Variants in TCERG1L observed in about 807,000 individuals in gnomAD.
TCERG1L encodes transcription elongation regulator 1 like, also known as transcription elongation regulator 1-like protein.
In TCERG1L, 37 loss-of-function variants were observed where a neutral mutation model predicts 56.3. The observed-to-expected ratio is 0.66, with a 90% CI of 0.51 to 0.87. TCERG1L has a LOEUF of 0.87. Among genes scored for constraint, TCERG1L ranks in the 40% least tolerant of loss-of-function variants. The pLI is 0.00. For missense variants in TCERG1L, 799 were observed against 774.2 expected (o/e 1.03, Z -0.38); for synonymous variants, 324 against 326.3 (o/e 0.99, Z 0.08).
At chr10:131,265,679 G>C (rs1220606240) in intron 3 of TCERG1L, among the ~76,000 whole-genome samples, 1 of 152,196 alleles carries the variant, frequency 6.6e-6, no homozygotes, top group African/African-American at 2.4e-5. Context: ...AGTGTAGTCT[G>C]TTAAATGTGC....
intron 4 of TCERG1L, among the ~76,000 whole-genome samples, chr10:131,220,238 A>G (rs1189369226): frequency 1.3e-5 from 2 of 152,066 alleles, no homozygotes; most frequent in African/African-American, 4.8e-5. Context: ...CTGGAAGGGG[A>G]GACCCACCCA....
At chr10:131,165,105 C>T (rs1031742547) in intron 5 of TCERG1L, among the ~76,000 whole-genome samples, 1 of 152,190 alleles carries the variant, frequency 6.6e-6, no homozygotes, top group Non-Finnish European at 1.5e-5. Flanking sequence ...TGAGATAAAG[C>T]TCAACCAAGT....
intron 3 of TCERG1L, among the ~76,000 whole-genome samples, chr10:131,288,605 A>C (rs1212216873): frequency 6.6e-6 from 1 of 152,202 alleles, no homozygotes; most frequent in Non-Finnish European, 1.5e-5. Context: ...GCCTATAAAA[A>C]TTACCTCGGA....
chr10:131,311,674 G>A lies in TCERG1L; in HGVS notation c.-39C>T, dbSNP rs944247722. The A allele has an allele frequency of 4.2e-5, 44 of 1,057,910 alleles. No individual in the cohort carries two copies. The African/African-American group carries it at 7.5e-4, about 18-fold the overall frequency. 65.5% of individuals were successfully genotyped at this position (1,057,910 alleles called of 1,614,324 possible). On this transcript the variant is annotated 5_prime_UTR_variant, in exon 1 of 12. Coordinates refer to ENST00000368642, the MANE Select transcript of TCERG1L (RefSeq NM_174937.4). The surrounding 1 kb of genome is among the most constrained non-coding windows in gnomAD (Gnocchi z 4.0). ...GCTGACGGCGGCGGCGGGGGCGGCG[G>A]GCGCCCGAGATGCTGGGCCGGCGGC...
chr10:131,309,105 C>G lies in TCERG1L; in HGVS notation c.489+48G>C, dbSNP rs780065982. ...TTGTTGTTATGTCGATGTTCGACAA[C>G]TTAATCATTAAAAGCCCCTTATCCA... is the stretch of plus-strand genomic sequence containing the variant. On this transcript the variant is annotated intron_variant, in intron 2 of 11. Coordinates refer to ENST00000368642, the MANE Select transcript of TCERG1L (RefSeq NM_174937.4). The G allele has an allele frequency of 3.8e-6, 6 of 1,574,198 alleles. No homozygotes were observed. The South Asian group carries it at 4.7e-5, about 12-fold the overall frequency.
At chr10:131,109,908 G>C (rs1010180328) in intron 9 of TCERG1L, among the ~76,000 whole-genome samples, 13 of 152,246 alleles carry the variant, frequency 8.5e-5, no homozygotes, top group African/African-American at 2.9e-4. Context: ...TGTGGATGCA[G>C]GCCAGGGCGG....
chr10:131,125,853 C>T (rs1200550101), intron 8 of TCERG1L, among the ~76,000 whole-genome samples: 1 of 152,210 alleles, frequency 6.6e-6, no homozygotes, highest in Non-Finnish European at 1.5e-5. Flanking sequence ...TAGGTGAACT[C>T]AGCAGGAGCA....
At chr10:131,198,888 C>T (rs1589744875) in intron 4 of TCERG1L, among the ~76,000 whole-genome samples, 1 of 152,252 alleles carries the variant, frequency 6.6e-6, no homozygotes, top group Non-Finnish European at 1.5e-5. Context: ...GGCAGCGCCA[C>T]GTGGACAACA....
chr10:131,309,153 C>T lies in TCERG1L; in HGVS notation c.489G>A (p.Lys163=). 2 of 1,607,650 alleles carry T rather than the reference C, an allele frequency of 1.2e-6. No individual in the cohort carries two copies. Among genetic ancestry groups the T allele is most frequent in the Non-Finnish European group, 1.7e-6 (2 of 1,177,660 alleles). ...SWIDKRIPNC[K]IFFNNSFALD... ...CCAATTAAATCACTTGCGTTTTTAC[C>T]TTACAGTTAGGAATCCTTTTGTCTA... The change falls in exon 2 of 12, where the codon AAG becomes AAA. Residue 163 remains lysine (K), a splice_region_variant and synonymous_variant. Transcript: ENST00000368642.
intron 7 of TCERG1L, among the ~76,000 whole-genome samples, chr10:131,144,069 C>G (rs1005958923): frequency 7.3e-6 from 1 of 137,214 alleles, no homozygotes; most frequent in Non-Finnish European, 1.6e-5. Flanking sequence ...CACACGCACA[C>G]GCAGGCACAC....
intron 4 of TCERG1L, among the ~76,000 whole-genome samples, chr10:131,242,890 A>C (rs1845988908): frequency 6.6e-6 from 1 of 152,158 alleles, no homozygotes; most frequent in Non-Finnish European, 1.5e-5. Context: ...ATAATTATGA[A>C]CACCCTTGAA....
intron 3 of TCERG1L, among the ~76,000 whole-genome samples, chr10:131,272,303 G>A (rs1401089543): frequency 6.6e-6 from 1 of 152,226 alleles, no homozygotes; most frequent in Non-Finnish European, 1.5e-5. Flanking sequence ...GCAGATTCAG[G>A]ACACGTGCGT....
intron 11 of TCERG1L, among the ~76,000 whole-genome samples, chr10:131,097,222 A>G (rs989669865): frequency 7.6e-5 from 11 of 144,808 alleles, no homozygotes; most frequent in African/African-American, 2.5e-4. Context: ...AAAAAAAAAA[A>G]GAAACAAACA....
At chr10:131,268,207 A>G (rs1846305701) in intron 3 of TCERG1L, among the ~76,000 whole-genome samples, 1 of 152,214 alleles carries the variant, frequency 6.6e-6, no homozygotes, top group Non-Finnish European at 1.5e-5. Context: ...TGCAGCTGGC[A>G]TCTTGGAAGC....
At chr10:131,275,301 C>T (rs1846380091) in intron 3 of TCERG1L, among the ~76,000 whole-genome samples, 2 of 152,180 alleles carry the variant, frequency 1.3e-5, no homozygotes, top group Non-Finnish European at 2.9e-5. Context: ...ATCGAGTCAC[C>T]GGAGGTCTAC....
intron 4 of TCERG1L, among the ~76,000 whole-genome samples, chr10:131,249,707 C>T (rs767489008): frequency 3.3e-5 from 5 of 152,184 alleles, no homozygotes; most frequent in South Asian, 2.1e-4. Flanking sequence ...TCCACTCTCC[C>T]GCTCCTGGTT....
intron 3 of TCERG1L, among the ~76,000 whole-genome samples, chr10:131,284,118 C>A (rs1846494442): frequency 2.4e-5 from 2 of 84,024 alleles, no homozygotes; most frequent in East Asian, 3.6e-4. Context: ...AGAACAAGAC[C>A]ACATCTCAAA....
chr10:131,154,467 A>AG lies in TCERG1L; in HGVS notation c.1035-7808dup, dbSNP rs1349650302. ...CCAGGAGTGTCCTGGGGATGGACAA[A>AG]GCCACACACTCCCTGGGGCCGGGCC... is the stretch of plus-strand genomic sequence containing the variant. On this transcript the variant is annotated intron_variant, in intron 6 of 11. Transcript: ENST00000368642. Among the ~76,000 whole-genome samples, 23 of 152,264 alleles carry AG rather than the reference A, an allele frequency of 1.5e-4. No individual in the cohort carries two copies. In the East Asian group the frequency reaches 4.3e-3, roughly 28 times the overall value.
intron 4 of TCERG1L, among the ~76,000 whole-genome samples, chr10:131,221,754 C>T (rs1373644553): frequency 6.6e-6 from 1 of 152,208 alleles, no homozygotes; most frequent in Non-Finnish European, 1.5e-5. Context: ...GTCGTAATCA[C>T]ACGGAGGGCA....
Sources: gnomAD v4.1 joint callset for allele counts (sites outside exome capture counted in the v4.1 genomes callset) on GRCh38, gnomAD v4.1.1 for gene constraint, Gnocchi (gnomAD v3.1) non-coding constraint, MANE v1.5 for transcripts, NCBI Gene and HGNC (gene_info 2026-07-23, HGNC 2026-07-21) for gene names.